Variants in ZFHX3 observed in about 807,000 individuals in gnomAD.
ZFHX3 encodes zinc finger homeobox 3.
Under a neutral mutation model 279.1 loss-of-function variants are expected in ZFHX3, and 42 were observed. The observed-to-expected ratio is 0.15, with a 90% CI of 0.12 to 0.19. The LOEUF (loss-of-function observed/expected upper bound fraction) is 0.19, where lower values mean the gene tolerates loss of function less well. Ranked by LOEUF, ZFHX3 falls within the 10% of genes least tolerant of loss-of-function variation. The probability of loss-of-function intolerance (pLI) is 1.00; values close to 1 mark genes in which losing one functional copy is unlikely to be tolerated. For missense variants in ZFHX3, 4,981 were observed against 4,754.0 expected (o/e 1.05, Z -1.40); for synonymous variants, 2,293 against 1,957.8 (o/e 1.17, Z -4.52).
intron 2 of ZFHX3, among the ~76,000 whole-genome samples, chr16:73,480,614 G>A (rs1487400991): frequency 6.6e-6 from 1 of 152,138 alleles, no homozygotes; most frequent in Non-Finnish European, 1.5e-5. Context: ...CTTTGCAATT[G>A]CCTGGCCATC....
chr16:73,851,550 T>C (rs1334627452), intron 1 of ZFHX3, among the ~76,000 whole-genome samples: 2 of 152,200 alleles, frequency 1.3e-5, no homozygotes, highest in African/African-American at 4.8e-5. Flanking sequence ...AGGTGGGACA[T>C]TAAGTAAACT....
chr16:73,636,793 T>C (rs939102741), intron 2 of ZFHX3, among the ~76,000 whole-genome samples: 1 of 152,294 alleles, frequency 6.6e-6, no homozygotes, highest in Admixed American at 6.5e-5. Context: ...TTTGTAGCTA[T>C]ATGGAAAGAT....
chr16:73,032,269 T>C (rs1173881598), intron 1 of ZFHX3, among the ~76,000 whole-genome samples: 1 of 152,024 alleles, frequency 6.6e-6, no homozygotes, highest in Non-Finnish European at 1.5e-5. Flanking sequence ...ATCACTACAC[T>C]CCAGCCTGGG....
chr16:73,438,955 A>G (rs976586041), intron 3 of ZFHX3, among the ~76,000 whole-genome samples: 5 of 152,236 alleles, frequency 3.3e-5, no homozygotes, highest in South Asian at 2.1e-4. Context: ...AGCAGTTCCC[A>G]TTGCACTGAG....
At chr16:73,471,034 G>C (rs920838165) in intron 2 of ZFHX3, among the ~76,000 whole-genome samples, 3 of 152,186 alleles carry the variant, frequency 2.0e-5, no homozygotes, top group African/African-American at 7.2e-5. Flanking sequence ...GCTGATTCAG[G>C]ACATGATTTT....
chr16:73,115,050 C>T (rs1305675066), intron 7 of ZFHX3, among the ~76,000 whole-genome samples: 2 of 152,102 alleles, frequency 1.3e-5, no homozygotes, highest in African/African-American at 4.8e-5. Flanking sequence ...GCTTCTCTCC[C>T]TAGGCCTTCT....
intron 3 of ZFHX3, chr16:73,401,385 C>CACACAA (rs1567472640): frequency 2.3e-4 from 34 of 151,004 alleles, no homozygotes; most frequent in Middle Eastern, 3.4e-3. Flanking sequence ...CACACACACA[C>CACACAA]ACACACACAC....
chr16:72,967,385 A>G (rs1421172282), intron 1 of ZFHX3, among the ~76,000 whole-genome samples: 2 of 152,204 alleles, frequency 1.3e-5, no homozygotes, highest in Non-Finnish European at 2.9e-5. Context: ...CAACGTGAGC[A>G]AGAAAATTAA....
At chr16:73,706,417 C>T (rs1378225432) in intron 1 of ZFHX3, among the ~76,000 whole-genome samples, 2 of 148,120 alleles carry the variant, frequency 1.4e-5, no homozygotes, top group Non-Finnish European at 3.0e-5. Context: ...GATCGCACCA[C>T]TGCACTCCAG....
At chr16:73,081,935 C>T (rs1205283833) in intron 8 of ZFHX3, among the ~76,000 whole-genome samples, 1 of 150,568 alleles carries the variant, frequency 6.6e-6, no homozygotes, top group East Asian at 2.0e-4. Context: ...CTCCCAGGTT[C>T]AAGGGATCCT....
intron 1 of ZFHX3, among the ~76,000 whole-genome samples, chr16:73,696,750 C>T (rs149185473): frequency 3.5e-4 from 54 of 152,276 alleles, no homozygotes; most frequent in Middle Eastern, 3.4e-3. Context: ...ACAGCAATCC[C>T]CACACAAAAA....
intron 1 of ZFHX3, among the ~76,000 whole-genome samples, chr16:73,682,958 GAA>G (rs557154466): frequency 1.4e-4 from 3 of 21,810 alleles, no homozygotes; most frequent in African/African-American, 2.8e-4. Context: ...AAGAAAGAAA[GAA>G]AGAAAGAAAG....
At chr16:73,664,771 G>C (rs1470622044) in intron 2 of ZFHX3, among the ~76,000 whole-genome samples, 2 of 152,216 alleles carry the variant, frequency 1.3e-5, no homozygotes, top group East Asian at 1.9e-4. Flanking sequence ...CATGTATAAG[G>C]TGTACCAAAG....
intron 1 of ZFHX3, among the ~76,000 whole-genome samples, chr16:73,833,412 T>C (rs986211565): frequency 1.1e-4 from 17 of 152,158 alleles, no homozygotes; most frequent in Non-Finnish European, 2.4e-4. Flanking sequence ...AAAAGGAATA[T>C]AAAGCACAGT....
intron 4 of ZFHX3, among the ~76,000 whole-genome samples, chr16:73,281,816 C>T (rs935083035): frequency 1.3e-5 from 2 of 151,926 alleles, no homozygotes; most frequent in East Asian, 3.9e-4. Flanking sequence ...TTAAGAAAAA[C>T]GAACAAACAA....
At chr16:73,624,913 G>C (rs555944082) in intron 2 of ZFHX3, among the ~76,000 whole-genome samples, 2 of 152,164 alleles carry the variant, frequency 1.3e-5, no homozygotes, top group Admixed American at 6.5e-5. Flanking sequence ...GGACAGATGT[G>C]CTATAGTAAT....
intron 7 of ZFHX3, among the ~76,000 whole-genome samples, chr16:73,111,365 G>T (rs933711199): frequency 5.9e-5 from 9 of 152,192 alleles, no homozygotes; most frequent in Admixed American, 4.6e-4. Flanking sequence ...TAACAATCAT[G>T]CCAGCTTAGG....
chr16:73,095,854 C>T (rs1184510357), intron 7 of ZFHX3, among the ~76,000 whole-genome samples: 2 of 152,170 alleles, frequency 1.3e-5, no homozygotes, highest in South Asian at 2.1e-4. Flanking sequence ...AAAAGAATCC[C>T]GGCCCCTTCT....
At chr16:73,371,061 G>T (rs1017035805) in intron 3 of ZFHX3, among the ~76,000 whole-genome samples, 1 of 151,976 alleles carries the variant, frequency 6.6e-6, no homozygotes, top group African/African-American at 2.4e-5. Context: ...GTGGCTCATG[G>T]CTGTAATCCC....
Sources: allele counts gnomAD v4.1 joint callset (sites outside exome capture counted in the v4.1 genomes callset), GRCh38; gene constraint gnomAD v4.1.1; transcripts MANE v1.5; gene names NCBI Gene and HGNC (gene_info 2026-07-23, HGNC 2026-07-21).